MYO9A: variants seen among roughly 807,000 people sequenced by gnomAD.
MYO9A encodes myosin IXA.
MYO9A carries 103 observed loss-of-function variants against 293.3 expected under a neutral mutation model. The observed-to-expected ratio is 0.35, with a 90% confidence interval of 0.30 to 0.41. MYO9A has a LOEUF of 0.41. Ranked by LOEUF, MYO9A falls within the 10% of genes least tolerant of loss-of-function variation. The pLI, the probability that MYO9A is intolerant of heterozygous loss-of-function variation, is 1.00. For missense variants in MYO9A, 2,685 were observed against 3,033.0 expected (o/e 0.89, Z 2.69); for synonymous variants, 1,001 against 1,035.7 (o/e 0.97, Z 0.64).
intron 1 of MYO9A, among the ~76,000 whole-genome samples, chr15:72,111,480 T>C (rs1262480002): frequency 4.9e-5 from 7 of 142,222 alleles, no homozygotes; most frequent in South Asian, 4.5e-4. Context: ...CAGAGTGAGA[T>C]TGTCTTAAAA....
intron 18 of MYO9A, among the ~76,000 whole-genome samples, chr15:71,929,796 C>T (rs1408863288): frequency 2.6e-5 from 4 of 152,108 alleles, no homozygotes; most frequent in African/African-American, 9.7e-5. Context: ...AATTTATTTT[C>T]CTTTGAGCAT....
At chr15:72,016,820 T>C (rs1413285034) in intron 6 of MYO9A, among the ~76,000 whole-genome samples, 1 of 152,070 alleles carries the variant, frequency 6.6e-6, no homozygotes, top group African/African-American at 2.4e-5. Context: ...AGATGGGTAA[T>C]GATGACTTCA....
rs760558347 is a variant in MYO9A, at chr15:72,045,712, C to A, written c.840+12G>T. ...AAAATTAAAATCAAAAATAAGATTT[C>A]TATATATTTACCTCAAGTACTGGTC... On this transcript the variant is annotated intron_variant, in intron 2 of 41. Transcript: ENST00000356056. 2.6e-6 allele frequency: 4 copies of A among 1,554,638 alleles called. No homozygotes were observed. In the Admixed American group the frequency reaches 6.4e-5, roughly 25 times the overall value.
intron 11 of MYO9A, among the ~76,000 whole-genome samples, chr15:71,986,572 T>C (rs2076411930): frequency 6.6e-6 from 1 of 152,216 alleles, no homozygotes; most frequent in Admixed American, 6.5e-5. Flanking sequence ...TGACCCTGTG[T>C]AGGCCTATGC....
In MYO9A at chr15:72,000,413, TGATAAACTTTTAA is replaced by T. The variant is rs71735542; in HGVS notation, c.1381-486_1381-474del. Among the ~76,000 whole-genome samples, 857 of 152,336 alleles carry T rather than the reference TGATAAACTTTTAA, an allele frequency of 5.6e-3. 9 individuals carry two copies. The highest frequency in any genetic ancestry group is 0.02 in the African/African-American group (811 of 41,580). ...TCAGATATTTCTTCTTATTCATGAA[TGATAAACTTTTAA>T]GATAAAGTTGACACTTCCTTTGTTC... On this transcript the variant is annotated intron_variant, in intron 8 of 41. Transcript: ENST00000356056.
At chr15:71,960,790 C>G (rs1177364163) in intron 13 of MYO9A, among the ~76,000 whole-genome samples, 1 of 152,128 alleles carries the variant, frequency 6.6e-6, no homozygotes, top group Non-Finnish European at 1.5e-5. Context: ...AAAGAGGTAT[C>G]ACATACAGCA....
At position 71,827,007 on chromosome 15, in the gene MYO9A, C is replaced by A. The variant is rs1482241204; in HGVS notation, c.7220G>T (p.Gly2407Val). Reference protein sequence around the residue: ...SLALSSLKTAGKSEPSSKLRK... With the variant: ...SLALSSLKTAVKSEPSSKLRK... ...CAACTTGCTGGAAGGTTCAGACTTG[C>A]CAGCTGTCTTCAGGGAGCTAAGGGC... The change falls in exon 42 of 42, where the codon GGC becomes GTC. Residue 2407 changes from glycine (G) to valine (V), a missense_variant. Gly to Val is a moderately radical substitution (Grantham distance 109). Coordinates refer to ENST00000356056, the MANE Select transcript of MYO9A (RefSeq NM_006901.4). 1.9e-6 allele frequency: 3 copies of A among 1,605,574 alleles called. No homozygotes were observed. The Admixed American group carries it at 5.1e-5, about 27-fold the overall frequency.
chr15:72,024,860 GT>G, intron 4 of MYO9A, among the ~76,000 whole-genome samples: 1 of 151,892 alleles, frequency 6.6e-6, no homozygotes, highest in Non-Finnish European at 1.5e-5. Context: ...AATTAAAATG[GT>G]ACACTAGAAA....
intron 12 of MYO9A, 95 bp downstream of exon 12, chr15:71,978,076 G>C: frequency 1.5e-6 from 2 of 1,362,228 alleles, no homozygotes; most frequent in East Asian, 2.4e-5. Context: ...AAAAAATTTG[G>C]CTCTTTATTT....
At chr15:72,018,093 A>G (rs764598616) in intron 6 of MYO9A, among the ~76,000 whole-genome samples, 1 of 151,874 alleles carries the variant, frequency 6.6e-6, no homozygotes, top group Non-Finnish European at 1.5e-5. Context: ...AAATACAGTA[A>G]TATAATTTTT....
intron 19 of MYO9A, among the ~76,000 whole-genome samples, chr15:71,913,010 G>GTT (rs879819244): frequency 7.0e-6 from 1 of 143,254 alleles, no homozygotes; most frequent in Non-Finnish European, 1.5e-5. Context: ...GATCTCCGTA[G>GTT]TTTTTTTTTT....
chr15:71,938,793 A>G (rs546922246), intron 16 of MYO9A, 59 bp downstream of exon 16: 13 of 1,412,232 alleles, frequency 9.2e-6, no homozygotes, highest in African/African-American at 7.3e-5. Context: ...AAAAATATCA[A>G]TAAGAATGTT....
intron 34 of MYO9A, among the ~76,000 whole-genome samples, chr15:71,855,732 A>G (rs1299227084): frequency 1.3e-5 from 2 of 152,158 alleles, no homozygotes; most frequent in African/African-American, 4.8e-5. Context: ...TCAAAACTAT[A>G]TCACTAACCA....
At chr15:71,894,963 C>T (rs1460809740) in intron 25 of MYO9A, among the ~76,000 whole-genome samples, 2 of 152,154 alleles carry the variant, frequency 1.3e-5, no homozygotes, top group African/African-American at 2.4e-5. Flanking sequence ...ACTTATGATA[C>T]TAGTTGGTAG....
intron 13 of MYO9A, chr15:71,960,335 C>T: frequency 2.1e-6 from 1 of 471,432 alleles, no homozygotes; most frequent in Admixed American, 3.6e-5. Flanking sequence ...TCACCAAAAT[C>T]TGGTTATTTA....
chr15:72,106,295 T>C (rs1185953855), intron 1 of MYO9A, among the ~76,000 whole-genome samples: 2 of 151,954 alleles, frequency 1.3e-5, no homozygotes, highest in African/African-American at 2.4e-5. Flanking sequence ...CTGGGCAACA[T>C]AGCAAGACCC....
intron 6 of MYO9A, among the ~76,000 whole-genome samples, chr15:72,014,302 A>G (rs1402449436): frequency 6.6e-6 from 1 of 152,216 alleles, no homozygotes; most frequent in Non-Finnish European, 1.5e-5. Flanking sequence ...CATCTTTACT[A>G]ACCTTCAAAG....
intron 1 of MYO9A, among the ~76,000 whole-genome samples, chr15:72,085,133 G>A (rs538185442): frequency 6.6e-6 from 1 of 152,228 alleles, no homozygotes; most frequent in South Asian, 2.1e-4. Context: ...GGTGGCTCAC[G>A]CCTGTAGTCC....
At chr15:72,098,135 T>C (rs1014305307) in intron 1 of MYO9A, among the ~76,000 whole-genome samples, 1 of 151,838 alleles carries the variant, frequency 6.6e-6, no homozygotes, top group African/African-American at 2.4e-5. Flanking sequence ...CTATGCTTCC[T>C]CCTCCTCAAA....
Sources: allele counts gnomAD v4.1 joint callset (sites outside exome capture counted in the v4.1 genomes callset), GRCh38; gene constraint gnomAD v4.1.1; transcripts MANE v1.5; gene names NCBI Gene and HGNC (gene_info 2026-07-23, HGNC 2026-07-21).